Variants in RSPO1 observed in about 807,000 individuals in gnomAD.
RSPO1 encodes the protein R-spondin-1.
Under a neutral mutation model 26.0 loss-of-function variants are expected in RSPO1, and 18 were observed. The observed-to-expected ratio is 0.69, with a 90% confidence interval of 0.48 to 1.03. RSPO1 has a LOEUF of 1.03. RSPO1 is among the 50% of genes least tolerant of loss of function. RSPO1 has a pLI of 0.00. For missense variants in RSPO1, 309 were observed against 352.3 expected (o/e 0.88, Z 0.98); for synonymous variants, 133 against 137.4 (o/e 0.97, Z 0.22).
At chr1:37,618,943 C>T (rs907702375) in intron 3 of RSPO1, among the ~76,000 whole-genome samples, 4 of 152,142 alleles carry the variant, frequency 2.6e-5, no homozygotes. Flanking sequence ...AGGCAGCGGC[C>T]GGGTGCAGTA....
intron 3 of RSPO1, among the ~76,000 whole-genome samples, chr1:37,626,210 C>T (rs1255686084): frequency 6.6e-6 from 1 of 152,150 alleles, no homozygotes; most frequent in Non-Finnish European, 1.5e-5. Context: ...CTCTACCCTG[C>T]AGCATCTTCT....
chr1:37,618,014 T>G (rs1644143212), intron 3 of RSPO1, among the ~76,000 whole-genome samples: 1 of 152,128 alleles, frequency 6.6e-6, no homozygotes, highest in Admixed American at 6.5e-5. Context: ...GGAAGTAGAA[T>G]TAAGGGCACT....
chr1:37,619,616 AGT>A (rs2148167929), intron 3 of RSPO1, among the ~76,000 whole-genome samples: 1 of 152,372 alleles, frequency 6.6e-6, no homozygotes, highest in South Asian at 2.1e-4. Context: ...CAATGGCGGC[AGT>A]GTGTTACTAA....
chr1:37,627,224 A>G (rs1275726217), intron 3 of RSPO1, among the ~76,000 whole-genome samples: 1 of 152,086 alleles, frequency 6.6e-6, no homozygotes, highest in African/African-American at 2.4e-5. Context: ...AGGTCCACCC[A>G]GTGCCCTTCC....
Position 37,612,637 on chromosome 1 carries a change from T to C in RSPO1, c.*118A>G. ...TGTGTGTCTTGTGTCTATGTATGCA[T>C]GGATGGATTGGAGTGTGTGTGTATG... On this transcript the variant is annotated 3_prime_UTR_variant, in exon 7 of 7. Coordinates refer to ENST00000356545, the MANE Select transcript of RSPO1 (RefSeq NM_001242908.2). 9.5e-7 allele frequency: 1 copy of C among 1,052,928 alleles called. No homozygotes were observed. Among genetic ancestry groups the C allele is most frequent in the Non-Finnish European group, 1.5e-6 (1 of 686,866 alleles). 65.2% of individuals were successfully genotyped at this position (1,052,928 alleles called of 1,614,324 possible).
Position 37,611,393 on chromosome 1 carries a change from C to T in RSPO1, c.*1362G>A, listed in dbSNP as rs560534932. ...ATTTTTATTCTGCTTTATTCACTTT[C>T]ATAGCTAAGCATAGATGCCAGTGGT... On this transcript the variant is annotated 3_prime_UTR_variant, in exon 7 of 7. Transcript: ENST00000356545. The T allele has an allele frequency of 2.0e-5, 3 of 152,194 alleles. No homozygotes were observed. Among genetic ancestry groups the T allele is most frequent in the Non-Finnish European group, 4.4e-5 (3 of 68,036 alleles). 9.4% of individuals were successfully genotyped at this position (152,194 alleles called of 1,614,324 possible). A position where few individuals can be genotyped will look rare whatever the true frequency, so the allele number is the denominator to read the frequency against.
chr1:37,614,822 T>C (rs1487970830), intron 4 of RSPO1, among the ~76,000 whole-genome samples: 4 of 152,186 alleles, frequency 2.6e-5, no homozygotes, highest in African/African-American at 7.2e-5. Context: ...TGTCCCAAAC[T>C]GTGGTTCTCC....
chr1:37,621,133 T>A (rs1644195906), intron 3 of RSPO1, among the ~76,000 whole-genome samples: 1 of 152,088 alleles, frequency 6.6e-6, no homozygotes, highest in Non-Finnish European at 1.5e-5. Context: ...AGAGAAAGTA[T>A]GGCACACCCA....
At chr1:37,633,746 G>GC (rs892107857) in intron 1 of RSPO1, among the ~76,000 whole-genome samples, 26 of 152,150 alleles carry the variant, frequency 1.7e-4, no homozygotes, top group Admixed American at 1.2e-3. Flanking sequence ...CTGGGGCCGT[G>GC]CCCCCCCTCC....
chr1:37,615,147 C>A (rs1644092115), intron 4 of RSPO1, among the ~76,000 whole-genome samples: 1 of 152,178 alleles, frequency 6.6e-6, no homozygotes, highest in African/African-American at 2.4e-5. Context: ...GAGCTCCCGA[C>A]TTTAAGGACC....
chr1:37,615,006 C>A (rs1299567074), intron 4 of RSPO1, among the ~76,000 whole-genome samples: 1 of 152,138 alleles, frequency 6.6e-6, no homozygotes, highest in East Asian at 1.9e-4. Flanking sequence ...GTGGGTCTTC[C>A]AGGGCTTGGC....
chr1:37,625,343 GGAGGGACCAGGATGGAACATGGAT>G, intron 3 of RSPO1, among the ~76,000 whole-genome samples: 1 of 152,330 alleles, frequency 6.6e-6, no homozygotes, highest in African/African-American at 2.4e-5. Context: ...TCACTACAGT[GGAGGGACCAGGATGGAACATGGAT>G]GAGGGACTCA....
chr1:37,618,448 T>C (rs955842111), intron 3 of RSPO1, among the ~76,000 whole-genome samples: 10 of 152,172 alleles, frequency 6.6e-5, no homozygotes, highest in Admixed American at 4.6e-4. Context: ...AGGGAACCAT[T>C]AGAACATATT....
At position 37,616,655 on chromosome 1, in the gene RSPO1, C is replaced by A. The variant is rs201499112; in HGVS notation, c.115G>T (p.Ala39Ser). ...CAGAGCTCACAGCCTTTGGCACAGG[C>A]CTGGCTCCCCTCGGCACTGACTGCA... is the stretch of plus-strand genomic sequence containing the variant. ...QRRISAEGSQ[A>S]CAKGCELCSE... The change falls in exon 4 of 7, where the codon GCC (alanine) becomes TCC (serine). Residue 39 changes from alanine to serine, a missense_variant. Coordinates refer to ENST00000356545, the MANE Select transcript of RSPO1 (RefSeq NM_001242908.2). 1.9e-5 allele frequency: 30 copies of A among 1,613,920 alleles called. 1 individual carries two copies. Among genetic ancestry groups the A allele is most frequent in the South Asian group, 1.5e-4 (14 of 91,086 alleles).
In RSPO1 at chr1:37,613,677, C is replaced by T; in HGVS notation, c.625+27G>A. On this transcript the variant is annotated intron_variant, in intron 6 of 6. Coordinates refer to ENST00000356545, the MANE Select transcript of RSPO1 (RefSeq NM_001242908.2). The surrounding 1 kb of genome is among the most constrained non-coding windows in gnomAD (Gnocchi z 4.5). ...TCATGGCTGGTGCCTGAGCCCTGAC[C>T]CCAGGGAGGCAGAGGCTGCAGCTCA... The T allele has an allele frequency of 1.3e-6, 2 of 1,597,382 alleles. No homozygotes were observed. Among genetic ancestry groups the T allele is most frequent in the Non-Finnish European group, 1.7e-6 (2 of 1,167,962 alleles).
chr1:37,623,264 T>C (rs569996542), intron 3 of RSPO1, among the ~76,000 whole-genome samples: 75 of 151,896 alleles, frequency 4.9e-4, no homozygotes, highest in African/African-American at 1.7e-3. Flanking sequence ...ACAGTAAGAA[T>C]GTGCCCTTGA....
intron 3 of RSPO1, among the ~76,000 whole-genome samples, chr1:37,620,251 G>C (rs1157687256): frequency 6.6e-6 from 1 of 152,154 alleles, no homozygotes; most frequent in Non-Finnish European, 1.5e-5. Context: ...GGTGGCTCAT[G>C]CCTGTAATCC....
intron 4 of RSPO1, among the ~76,000 whole-genome samples, chr1:37,615,656 C>A (rs957842379): frequency 6.6e-6 from 1 of 152,234 alleles, no homozygotes; most frequent in Non-Finnish European, 1.5e-5. Context: ...AGGCACTGAA[C>A]AAGTGGTGGG....
intron 4 of RSPO1, among the ~76,000 whole-genome samples, chr1:37,615,910 A>T (rs958004759): frequency 1.3e-5 from 2 of 152,062 alleles, no homozygotes; most frequent in African/African-American, 4.8e-5. Flanking sequence ...GTGTGATGGG[A>T]TAGGTTGTAT....
Sources: allele counts gnomAD v4.1 joint callset (sites outside exome capture counted in the v4.1 genomes callset), GRCh38; gene constraint gnomAD v4.1.1; non-coding constraint Gnocchi (gnomAD v3.1); transcripts MANE v1.5; gene names NCBI Gene and HGNC (gene_info 2026-07-23, HGNC 2026-07-21).